DENND2B: variants seen among roughly 807,000 people sequenced by gnomAD.
DENND2B encodes DENN domain containing 2B, also known as DENN domain-containing protein 2B.
In DENND2B, 32 loss-of-function variants were observed where a neutral mutation model predicts 116.0. The observed-to-expected ratio is 0.28, with a 90% CI of 0.21 to 0.37. The LOEUF is 0.37. DENND2B is among the 10% of genes least tolerant of loss of function. The pLI is 1.00. For synonymous variants in DENND2B, 588 were observed against 583.9 expected (o/e 1.01, Z -0.10); for missense variants, 1,276 against 1,477.7 (o/e 0.86, Z 2.24).
chr11:8,819,115 C>G, intron 4 of DENND2B, among the ~76,000 whole-genome samples: 1 of 152,094 alleles, frequency 6.6e-6, no homozygotes, highest in East Asian at 1.9e-4. Context: ...TAAGGAGAGG[C>G]GGGGCTTGGT....
intron 1 of DENND2B, among the ~76,000 whole-genome samples, chr11:8,791,652 A>G (rs779443258): frequency 1.3e-5 from 2 of 151,936 alleles, no homozygotes; most frequent in Non-Finnish European, 2.9e-5. Context: ...CTGTAGTCCC[A>G]CCTACTTGGG....
At chr11:8,781,479 C>T (rs1017187618) in intron 1 of DENND2B, among the ~76,000 whole-genome samples, 2 of 152,154 alleles carry the variant, frequency 1.3e-5, no homozygotes, top group Non-Finnish European at 2.9e-5. Flanking sequence ...GGGGCAATAC[C>T]ACTTTTTGTC....
intron 4 of DENND2B, among the ~76,000 whole-genome samples, chr11:8,835,340 T>C (rs946986181): frequency 2.0e-5 from 3 of 152,204 alleles, no homozygotes; most frequent in African/African-American, 7.2e-5. Flanking sequence ...GGGGAATCTT[T>C]AAAAGCATTC....
At chr11:8,849,490 C>CAAAAA (rs35966963) in intron 3 of DENND2B, among the ~76,000 whole-genome samples, 1 of 63,568 alleles carries the variant, frequency 1.6e-5, no homozygotes, top group African/African-American at 5.9e-5. Context: ...TAGACTGTCT[C>CAAAAA]AAAAAAAAAA....
chr11:8,753,129 C>A (rs928968029), intron 1 of DENND2B, among the ~76,000 whole-genome samples: 3 of 152,140 alleles, frequency 2.0e-5, no homozygotes, highest in South Asian at 2.1e-4. Flanking sequence ...CCCAGTTACT[C>A]AGGAGGCTGA....
intron 1 of DENND2B, among the ~76,000 whole-genome samples, chr11:8,761,484 A>G (rs2054614574): frequency 6.6e-6 from 1 of 152,238 alleles, no homozygotes; most frequent in Admixed American, 6.5e-5. Flanking sequence ...GTCCTATCTT[A>G]GAGCAGCACC....
chr11:8,909,953 T>C (rs1346898399), intron 1 of DENND2B: 4 of 152,164 alleles, frequency 2.6e-5, no homozygotes, highest in African/African-American at 9.7e-5. Context: ...GAGTCACTAA[T>C]TAGCAGTGAG....
chr11:8,781,881 A>G (rs994433366), intron 1 of DENND2B, among the ~76,000 whole-genome samples: 7 of 152,252 alleles, frequency 4.6e-5, no homozygotes, highest in African/African-American at 1.2e-4. Context: ...AAGTGATGAG[A>G]TATTATATCA....
chr11:8,787,237 C>T (rs1003125393), intron 1 of DENND2B: 2 of 152,150 alleles, frequency 1.3e-5, no homozygotes, highest in Non-Finnish European at 2.9e-5. Flanking sequence ...TCTGAAGAAA[C>T]AATGTATATG....
chr11:8,877,586 A>G (rs2063858166), intron 2 of DENND2B: 1 of 152,184 alleles, frequency 6.6e-6, no homozygotes, highest in Admixed American at 6.5e-5. Context: ...CTAGTTACCA[A>G]TCTTTGTTCT....
intron 3 of DENND2B, among the ~76,000 whole-genome samples, chr11:8,845,518 T>TAA (rs1321403845): frequency 1.3e-5 from 2 of 152,266 alleles, no homozygotes; most frequent in Non-Finnish European, 2.9e-5. Context: ...AAGGATTTGC[T>TAA]ACTCACAGTC....
intron 11 of DENND2B, among the ~76,000 whole-genome samples, chr11:8,710,569 T>A (rs74952394): frequency 6.6e-6 from 1 of 151,748 alleles, no homozygotes; most frequent in South Asian, 2.1e-4. Context: ...TAAAAAGACA[T>A]GAAAACCCAC....
At chr11:8,739,693 A>C (rs1289438523) in intron 2 of DENND2B, among the ~76,000 whole-genome samples, 1 of 152,256 alleles carries the variant, frequency 6.6e-6, no homozygotes, top group Non-Finnish European at 1.5e-5. Flanking sequence ...CCAACACTGC[A>C]GCATGCAACT....
At chr11:8,731,238 A>G (rs1410935246) in intron 2 of DENND2B, 29 bp from the exon 3 acceptor site, 4 of 1,457,082 alleles carry the variant, frequency 2.7e-6, no homozygotes, top group Non-Finnish European at 3.6e-6. Flanking sequence ...AAAGGAAAAG[A>G]AAAGAAAATG....
At chr11:8,885,992 G>C (rs557789940) in intron 1 of DENND2B, among the ~76,000 whole-genome samples, 2 of 152,140 alleles carry the variant, frequency 1.3e-5, no homozygotes, top group Non-Finnish European at 2.9e-5. Context: ...CCAGGCTGGA[G>C]TGCAGTGGTA....
intron 1 of DENND2B, among the ~76,000 whole-genome samples, chr11:8,778,723 C>T (rs560557715): frequency 6.6e-6 from 1 of 152,308 alleles, no homozygotes; most frequent in African/African-American, 2.4e-5. Flanking sequence ...CATGGGGTGC[C>T]GGCCATCACC....
In DENND2B at chr11:8,697,746, T is replaced by C. The variant is rs1455700661; in HGVS notation, c.2941-110A>G. ...AGATAATCTCATTTATCTCTCCCAG[T>C]AACCCTCATAACTATCATCAACCTC... is the stretch of plus-strand genomic sequence containing the variant. On this transcript the variant is annotated intron_variant, in intron 16 of 19. Coordinates refer to ENST00000313726, the MANE Select transcript of DENND2B (RefSeq NM_213618.2). 4.2e-6 allele frequency: 3 copies of C among 716,026 alleles called. No individual in the cohort carries two copies. In the East Asian group the frequency reaches 8.0e-5, roughly 19 times the overall value. The allele number at this position is 716,026 out of a possible 1,614,324, so 44.4% of individuals were successfully genotyped here. A position where few individuals can be genotyped will look rare whatever the true frequency, so the allele number is the denominator to read the frequency against.
chr11:8,811,647 A>G, upstream of DENND2B: 2 of 266,854 alleles, frequency 7.5e-6, no homozygotes, highest in Non-Finnish European at 1.4e-5. Flanking sequence ...TTCTTTTTAC[A>G]TGTATCATTT....
chr11:8,711,186 T>G lies in DENND2B; in HGVS notation c.2218A>C (p.Lys740Gln), dbSNP rs2043598776. Reference sequence around the variant, plus strand: ...GGGAAGCAAAACTGGGGAATGGCTTTGAGCCTTTCCTCTGCCTCTCGCATC... The same window carrying G: ...GGGAAGCAAAACTGGGGAATGGCTTGGAGCCTTTCCTCTGCCTCTCGCATC... ...KQMREAEERLKAIPQFCFPDA... is the reference protein window; with the variant it reads ...KQMREAEERLQAIPQFCFPDA... Residue 740 changes from lysine to glutamine, a missense_variant, in exon 10 of 20, where the codon AAA (lysine) becomes CAA (glutamine). Transcript: ENST00000313726. The G allele has an allele frequency of 6.2e-7, 1 of 1,614,020 alleles. No individual in the cohort carries two copies. Among genetic ancestry groups the G allele is most frequent in the African/African-American group, 1.3e-5 (1 of 74,920 alleles).
Sources: gnomAD v4.1 joint callset for allele counts (sites outside exome capture counted in the v4.1 genomes callset) on GRCh38, gnomAD v4.1.1 for gene constraint, MANE v1.5 for transcripts, NCBI Gene and HGNC (gene_info 2026-07-23, HGNC 2026-07-21) for gene names.